OPCML: variants seen among roughly 807,000 people sequenced by gnomAD.
OPCML encodes opioid binding protein/cell adhesion molecule like.
A neutral mutation model predicts 37.8 loss-of-function variants in OPCML; 13 were observed. The ratio of observed to expected loss-of-function variants is 0.34; its 90% CI spans 0.22 to 0.55. The LOEUF (loss-of-function observed/expected upper bound fraction) is 0.55, where lower values mean the gene tolerates loss of function less well. Ranked by LOEUF, OPCML falls within the 20% of genes least tolerant of loss-of-function variation. The pLI, the probability that OPCML is intolerant of heterozygous loss-of-function variation, is 0.91. For missense variants in OPCML, 341 were observed against 435.6 expected (o/e 0.78, Z 1.93); for synonymous variants, 176 against 168.8 (o/e 1.04, Z -0.33).
chr11:133,176,294 G>C (rs1950371723), intron 1 of OPCML, among the ~76,000 whole-genome samples: 1 of 151,550 alleles, frequency 6.6e-6, no homozygotes, highest in Non-Finnish European at 1.5e-5. Flanking sequence ...GAGGTAATGA[G>C]GCTGCATCAG....
At position 133,084,817 on chromosome 11, in the gene OPCML, GAACTCA is replaced by G. The variant is rs200868448; in HGVS notation, c.62-141813_62-141808del. Among the ~76,000 whole-genome samples, 594 of 151,914 alleles carry G rather than the reference GAACTCA, an allele frequency of 3.9e-3. 4 individuals carry two copies. The highest frequency in any genetic ancestry group is 3.5e-3 in the East Asian group (18 of 5,162). ...AAACCTTGCCATTTTTTTTTACTTA[GAACTCA>G]AACTCAAATTCAAGCATGAGTGAGC... On this transcript the variant is annotated intron_variant, in intron 1 of 7. Coordinates refer to ENST00000524381, the MANE Select transcript of OPCML (RefSeq NM_001012393.5).
At chr11:132,996,753 A>G (rs1346972549) in intron 1 of OPCML, among the ~76,000 whole-genome samples, 1 of 152,152 alleles carries the variant, frequency 6.6e-6, no homozygotes, top group African/African-American at 2.4e-5. Context: ...AAACAGCTCC[A>G]TGGAGAGTCC....
At chr11:132,540,959 C>G (rs2096354920) in intron 3 of OPCML, among the ~76,000 whole-genome samples, 1 of 152,168 alleles carries the variant, frequency 6.6e-6, no homozygotes, top group Non-Finnish European at 1.5e-5. Flanking sequence ...TTCCTTTCCC[C>G]CCCGACTTGT....
chr11:133,235,683 T>C (rs1343986178), intron 1 of OPCML, among the ~76,000 whole-genome samples: 2 of 152,124 alleles, frequency 1.3e-5, no homozygotes, highest in African/African-American at 4.8e-5. Flanking sequence ...AAATTACTCC[T>C]TGAGGTCCTA....
chr11:132,884,191 T>A (rs754959944), intron 2 of OPCML, among the ~76,000 whole-genome samples: 1 of 152,172 alleles, frequency 6.6e-6, no homozygotes, highest in Non-Finnish European at 1.5e-5. Flanking sequence ...AGGTTAACGA[T>A]TGTCCTTTGG....
chr11:132,880,427 A>C (rs1349290122), intron 2 of OPCML, among the ~76,000 whole-genome samples: 1 of 152,138 alleles, frequency 6.6e-6, no homozygotes, highest in Non-Finnish European at 1.5e-5. Flanking sequence ...TAATACCACA[A>C]AGATACTCAG....
chr11:133,293,909 C>A (rs1301948638), intron 1 of OPCML, among the ~76,000 whole-genome samples: 1 of 150,780 alleles, frequency 6.6e-6, no homozygotes, highest in Non-Finnish European at 1.5e-5. Context: ...CACACACACA[C>A]ACACACACAC....
At chr11:132,722,834 G>A (rs1382559672) in intron 2 of OPCML, among the ~76,000 whole-genome samples, 3 of 152,252 alleles carry the variant, frequency 2.0e-5, no homozygotes, top group South Asian at 2.1e-4. Flanking sequence ...GTTTTAACAC[G>A]ATTGCTTCAG....
At chr11:133,179,612 AC>A (rs1327486194) in intron 1 of OPCML, among the ~76,000 whole-genome samples, 4 of 152,142 alleles carry the variant, frequency 2.6e-5, no homozygotes, top group Middle Eastern at 3.2e-3. Context: ...GGAGAGCACG[AC>A]CCATTCTGAA....
At position 132,720,778 on chromosome 11, in the gene OPCML, T is replaced by C. The variant is rs540559924; in HGVS notation, c.147-63459A>G. Among the ~76,000 whole-genome samples the C allele has an allele frequency of 2.4e-4, 37 of 152,328 alleles. 1 individual carries two copies. The South Asian group carries it at 7.7e-3, about 32-fold the overall frequency. ...TTAGCTGGAGATACAGTATAGTCAG[T>C]GGTGACCTATTTATAAAATTCTTCT... On this transcript the variant is annotated intron_variant, in intron 2 of 7. Transcript: ENST00000524381.
intron 1 of OPCML, among the ~76,000 whole-genome samples, chr11:133,419,055 A>G (rs865988074): frequency 6.6e-6 from 1 of 152,154 alleles, no homozygotes. Flanking sequence ...CCTGCCCACC[A>G]AACTATCCTT....
chr11:133,117,546 T>C (rs1413943463), intron 1 of OPCML, among the ~76,000 whole-genome samples: 1 of 152,172 alleles, frequency 6.6e-6, no homozygotes, highest in African/African-American at 2.4e-5. Flanking sequence ...TACCTATTTC[T>C]GACATAGGTA....
At position 132,722,921 on chromosome 11, in the gene OPCML, A is replaced by G. The variant is rs144623661; in HGVS notation, c.147-65602T>C. On this transcript the variant is annotated intron_variant, in intron 2 of 7. Coordinates refer to ENST00000524381, the MANE Select transcript of OPCML (RefSeq NM_001012393.5). ...TTTCACACAGTACTCTCCATATCCT[A>G]TGATTCAATGAAAAAGTATCAAGGG... Among the ~76,000 whole-genome samples the G allele has an allele frequency of 4.6e-5, 7 of 152,344 alleles. No individual in the cohort carries two copies. The East Asian group carries it at 1.4e-3, about 29-fold the overall frequency.
chr11:132,929,174 T>C (rs945042134), intron 2 of OPCML, among the ~76,000 whole-genome samples: 11 of 151,830 alleles, frequency 7.2e-5, no homozygotes, highest in African/African-American at 2.7e-4. Context: ...AGTTTTTTCC[T>C]TAAAATGATA....
At chr11:132,735,191 T>C (rs1945214109) in intron 2 of OPCML, among the ~76,000 whole-genome samples, 1 of 152,092 alleles carries the variant, frequency 6.6e-6, no homozygotes, top group Non-Finnish European at 1.5e-5. Context: ...AAAAATAGCT[T>C]CTGGGAAAAA....
intron 3 of OPCML, among the ~76,000 whole-genome samples, chr11:132,599,882 AGG>A (rs1481949809): frequency 6.6e-6 from 1 of 152,226 alleles, no homozygotes; most frequent in Non-Finnish European, 1.5e-5. Flanking sequence ...GGGGAAAATC[AGG>A]TTATTTTCTG....
chr11:132,427,402 T>C (rs2095981271), intron 7 of OPCML, among the ~76,000 whole-genome samples: 5 of 152,204 alleles, frequency 3.3e-5, no homozygotes, highest in Admixed American at 3.3e-4. Flanking sequence ...CATAAAGCTA[T>C]TTTTAGAGGT....
At chr11:133,353,269 C>T (rs1346096231) in intron 1 of OPCML, among the ~76,000 whole-genome samples, 4 of 152,010 alleles carry the variant, frequency 2.6e-5, no homozygotes, top group African/African-American at 9.7e-5. Context: ...CAGGTTCAAA[C>T]AATTCTCTGG....
At chr11:133,107,141 C>T (rs1435650413) in intron 1 of OPCML, among the ~76,000 whole-genome samples, 1 of 152,226 alleles carries the variant, frequency 6.6e-6, no homozygotes, top group Non-Finnish European at 1.5e-5. Flanking sequence ...TTGTGCAGGA[C>T]ACCTATCCTG....
Sources: allele counts gnomAD v4.1 joint callset (sites outside exome capture counted in the v4.1 genomes callset), GRCh38; gene constraint gnomAD v4.1.1; transcripts MANE v1.5; gene names NCBI Gene and HGNC (gene_info 2026-07-23, HGNC 2026-07-21).